Variants in SLC19A1 observed in about 807,000 individuals in gnomAD.
The protein encoded by SLC19A1 is reduced folate transporter.
SLC19A1 carries 37 observed loss-of-function variants against 35.3 expected under a neutral mutation model. That is an observed-to-expected ratio of 1.05 (90% CI 0.81 to 1.38). The LOEUF (loss-of-function observed/expected upper bound fraction) is 1.38, where lower values mean the gene tolerates loss of function less well. Among genes scored for constraint, SLC19A1 ranks in the 40% most tolerant of loss-of-function variants. The pLI, the probability that SLC19A1 is intolerant of heterozygous loss-of-function variation, is 0.00. For synonymous variants in SLC19A1, 460 were observed against 398.5 expected (o/e 1.15, Z -1.84); for missense variants, 831 against 826.9 (o/e 1.00, Z -0.06).
intron 3 of SLC19A1, chr21:45,505,382 G>GC (rs748210520): frequency 2.5e-6 from 4 of 1,591,426 alleles, no homozygotes; most frequent in African/African-American, 1.3e-5. Flanking sequence ...GGCCCTCCGG[G>GC]CCCCCCTGGG....
chr21:45,512,142 A>G, downstream of SLC19A1: 1 of 1,573,148 alleles, frequency 6.4e-7, no homozygotes, highest in Non-Finnish European at 8.6e-7. Context: ...CTCTGCCCTA[A>G]GCAGAGCAGG....
chr21:45,521,875 C>T (rs1568979372), intron 5 of SLC19A1, among the ~76,000 whole-genome samples: 1 of 152,096 alleles, frequency 6.6e-6, no homozygotes, highest in Non-Finnish European at 1.5e-5. Flanking sequence ...TGGTCAGAGA[C>T]TTAAATGTAA....
At chr21:45,523,243 C>T (rs762098322) in intron 5 of SLC19A1, among the ~76,000 whole-genome samples, 2 of 152,142 alleles carry the variant, frequency 1.3e-5, no homozygotes, top group African/African-American at 2.4e-5. Context: ...AAGATGAGCC[C>T]GCACCACCTC....
chr21:45,515,196 G>T lies in SLC19A1; in HGVS notation c.*462C>A. The T allele has an allele frequency of 6.6e-7, 1 of 1,519,886 alleles. No individual in the cohort carries two copies. The highest frequency in any genetic ancestry group is 1.3e-5 in the South Asian group (1 of 79,280). 94.1% of individuals were successfully genotyped at this position (1,519,886 alleles called of 1,614,324 possible). On this transcript the variant is annotated 3_prime_UTR_variant, in exon 6 of 6. Coordinates refer to ENST00000311124, the MANE Select transcript of SLC19A1 (RefSeq NM_194255.4). Reference sequence around the variant, plus strand: ...AAAAAAGCATCTTTCAAAAAAGCAAGAGCACCAAGGATGACCAGCAATGTC... The same window carrying T: ...AAAAAAGCATCTTTCAAAAAAGCAATAGCACCAAGGATGACCAGCAATGTC...
chr21:45,509,307 G>A (rs759760173), downstream of SLC19A1: 1 of 1,535,286 alleles, frequency 6.5e-7, no homozygotes. Context: ...TGGAGGAGGG[G>A]CACCCGGAGG....
chr21:45,546,438 G>A (rs2078416405), upstream of SLC19A1, among the ~76,000 whole-genome samples: 1 of 152,348 alleles, frequency 6.6e-6, no homozygotes, highest in African/African-American at 2.4e-5. Context: ...GCATGGAGTT[G>A]AATTCTGAGC....
chr21:45,534,641 GCA>G lies in SLC19A1; in HGVS notation c.190-2495_190-2494del, dbSNP rs2078047353. ...CCTGGTCTTAGTTGAGGGTCTGAGC[GCA>G]GAGCTCCCCCTTGGCAGCCACCCAG... On this transcript the variant is annotated intron_variant, in intron 2 of 5. Coordinates refer to ENST00000311124, the MANE Select transcript of SLC19A1 (RefSeq NM_194255.4). The surrounding 1 kb of genome is among the most constrained non-coding windows in gnomAD (Gnocchi z 4.2). The G allele has an allele frequency of 2.6e-6, 4 of 1,529,922 alleles. No individual in the cohort carries two copies. The highest frequency in any genetic ancestry group is 1.7e-4 in the Middle Eastern group (1 of 5,944). The allele number at this position is 1,529,922 out of a possible 1,614,324, so 94.8% of individuals were successfully genotyped here.
At chr21:45,535,731 G>A (rs530747995) in intron 2 of SLC19A1, among the ~76,000 whole-genome samples, 2 of 152,362 alleles carry the variant, frequency 1.3e-5, no homozygotes, top group African/African-American at 4.8e-5. Flanking sequence ...AGTGGGAGAA[G>A]CCGGAATCCC....
rs979921020 is a variant in SLC19A1 at position 45,534,411 on chromosome 21, C to T, written c.190-2263G>A. 9.2e-6 allele frequency: 7 copies of T among 757,886 alleles called. No individual in the cohort carries two copies. In the African/African-American group the frequency reaches 1.1e-4, roughly 11 times the overall value. 46.9% of individuals were successfully genotyped at this position (757,886 alleles called of 1,614,324 possible). ...GCGTGGGGGCATGACAGCCCCAGCC[C>T]CTGGCCGGGGCACAGGTTCTGCCCA... is the stretch of plus-strand genomic sequence containing the variant. On this transcript the variant is annotated intron_variant, in intron 2 of 5. Transcript: ENST00000311124. This position sits in a 1 kb window ranked among gnomAD's most constrained non-coding sequence, Gnocchi z 4.2.
chr21:45,504,332 C>T (rs2037051314), intron 3 of SLC19A1: 1 of 1,431,546 alleles, frequency 7.0e-7, no homozygotes, highest in Admixed American at 2.0e-5. Context: ...TTCTGACTGC[C>T]CAGCCCTGGC....
chr21:45,551,323 TC>T (rs2078464734), intron 1 of SLC19A1, among the ~76,000 whole-genome samples: 1 of 152,194 alleles, frequency 6.6e-6, no homozygotes, highest in African/African-American at 2.4e-5. Context: ...CATTATTTTT[TC>T]TTTTTCCTGT....
downstream of SLC19A1, among the ~76,000 whole-genome samples, chr21:45,508,910 C>T (rs2037409773): frequency 6.6e-6 from 1 of 152,084 alleles, no homozygotes. Context: ...GGGAAAGGTG[C>T]AGAATCAATA....
rs778137044 is a variant in SLC19A1, at chr21:45,515,753, C to G, written c.1681G>C (p.Glu561Gln). ...AQASGPEAAD[E>Q]TCPQLAVHPP... ...TGGACAGCCAGCTGGGGACAAGTCT[C>G]ATCTGCAGCCTCAGGGCCTGAGGCT... Residue 561 changes from glutamate (E) to glutamine (Q), a missense_variant, in exon 6 of 6, where the codon GAG (glutamate) becomes CAG (glutamine). Physicochemically the swap from Glu to Gln is conservative, Grantham distance 29. Coordinates refer to ENST00000311124, the MANE Select transcript of SLC19A1 (RefSeq NM_194255.4). 2 of 1,613,814 alleles carry G rather than the reference C, an allele frequency of 1.2e-6. No homozygotes were observed. The highest frequency in any genetic ancestry group is 1.7e-6 in the Non-Finnish European group (2 of 1,180,000).
chr21:45,541,324 G>A lies in SLC19A1; in HGVS notation c.-50+1044C>T, dbSNP rs149132957. ...CTCCCAGGCCTGGACAGGGCAGGCAGGTGCACTGGGCCAGAGGCACCTCGG... is the reference window on the plus strand; with the variant it reads ...CTCCCAGGCCTGGACAGGGCAGGCAAGTGCACTGGGCCAGAGGCACCTCGG... On this transcript the variant is annotated intron_variant, in intron 1 of 5. Coordinates refer to ENST00000311124, the MANE Select transcript of SLC19A1 (RefSeq NM_194255.4). Among the ~76,000 whole-genome samples, 265 of 152,386 alleles carry A rather than the reference G, an allele frequency of 1.7e-3. 4 individuals carry two copies. Among genetic ancestry groups the A allele is most frequent in the African/African-American group, 5.9e-3 (245 of 41,598 alleles).
At position 45,531,484 on chromosome 21, in the gene SLC19A1, A is replaced by C; in HGVS notation, c.854T>G (p.Val285Gly). The C allele has an allele frequency of 6.2e-7, 1 of 1,612,748 alleles. No homozygotes were observed. The highest frequency in any genetic ancestry group is 8.5e-7 in the Non-Finnish European group (1 of 1,179,780). Residue 285 changes from valine to glycine, a missense_variant, in exon 3 of 6, where the codon GTC (valine) becomes GGC (glycine). By Grantham distance (109) the Val-to-Gly change is moderately radical. Coordinates refer to ENST00000311124, the MANE Select transcript of SLC19A1 (RefSeq NM_194255.4). ...VFNSAGYYLVVYYVHILWNEV... is the reference protein window; with the variant it reads ...VFNSAGYYLVGYYVHILWNEV... ...GTTCCACAGGATGTGCACGTAGTAG[A>C]CCACCAGGTAGTAGCCGGCCGAGTT...
chr21:45,514,715 C>T lies in SLC19A1; in HGVS notation c.*943G>A, dbSNP rs2037798504. 1 of 375,712 alleles carries T rather than the reference C, an allele frequency of 2.7e-6. No homozygotes were observed. The highest frequency in any genetic ancestry group is 2.1e-5 in the African/African-American group (1 of 47,608). The allele number at this position is 375,712 out of a possible 1,614,324, so 23.3% of individuals were successfully genotyped here. ...CCCTGAATCAGAAGCCCTGCGCACA[C>T]TCACTTAAGTGTGTTTAATGTATGT... On this transcript the variant is annotated 3_prime_UTR_variant, in exon 6 of 6. Coordinates refer to ENST00000311124, the MANE Select transcript of SLC19A1 (RefSeq NM_194255.4).
chr21:45,538,169 C>A (rs577355112), intron 1 of SLC19A1, among the ~76,000 whole-genome samples, 161 bp from the exon 2 acceptor site: 2 of 152,324 alleles, frequency 1.3e-5, no homozygotes, highest in Admixed American at 1.3e-4. Context: ...TAGCACCAAA[C>A]TGGGAGCCAC....
Position 45,531,697 on chromosome 21 carries a change from C to A in SLC19A1, c.641G>T (p.Arg214Leu). The A allele has an allele frequency of 6.2e-7, 1 of 1,612,644 alleles. No individual in the cohort carries two copies. Among genetic ancestry groups the A allele is most frequent in the Non-Finnish European group, 8.5e-7 (1 of 1,179,738 alleles). The change falls in exon 3 of 6, where the codon CGC (arginine) becomes CTC (leucine). Residue 214 changes from arginine to leucine, a missense_variant. Arg to Leu is a moderately radical substitution (Grantham distance 102). Coordinates refer to ENST00000311124, the MANE Select transcript of SLC19A1 (RefSeq NM_194255.4). ...GGTTTCGCACCGCCCCCGGTCGTCG[C>A]GGTTGAAGAAGAGGCTGCGCTTGGG... ...KRPKRSLFFN[R>L]DDRGRCETSA... is the part of the protein sequence containing the mutation.
rs62214298 is a variant in SLC19A1, at chr21:45,537,553, G to A, written c.189+218C>T. ...CCCGCCCACCCACAGGCGGCCGCCC[G>A]GCACCCCGGCACCCACGTGCCTATT... On this transcript the variant is annotated intron_variant, in intron 2 of 5. Coordinates refer to ENST00000311124, the MANE Select transcript of SLC19A1 (RefSeq NM_194255.4). Among the ~76,000 whole-genome samples, 199 of 32,404 alleles carry A rather than the reference G, an allele frequency of 6.1e-3. 1 individual carries two copies. Among genetic ancestry groups the A allele is most frequent in the Non-Finnish European group, 7.3e-3 (102 of 14,052 alleles). The allele number at this position is 32,404 out of a possible 152,430, so 21.3% of individuals were successfully genotyped here. A position where few individuals can be genotyped will look rare whatever the true frequency, so the allele number is the denominator to read the frequency against.
Sources: gnomAD v4.1 joint callset for allele counts (sites outside exome capture counted in the v4.1 genomes callset) on GRCh38, gnomAD v4.1.1 for gene constraint, Gnocchi (gnomAD v3.1) non-coding constraint, MANE v1.5 for transcripts, NCBI Gene and HGNC (gene_info 2026-07-23, HGNC 2026-07-21) for gene names.